The following USP12 variants were observed in gnomAD, a reference collection of about 807,000 sequenced individuals.
USP12 encodes the protein ubiquitin carboxyl-terminal hydrolase 12.
A neutral mutation model predicts 45.5 loss-of-function variants in USP12; 19 were observed. The observed-to-expected ratio is 0.42, with a 90% CI of 0.29 to 0.61. The LOEUF (loss-of-function observed/expected upper bound fraction) is 0.61, where lower values mean the gene tolerates loss of function less well. Ranked by LOEUF, USP12 falls within the 20% of genes least tolerant of loss-of-function variation. The probability of loss-of-function intolerance (pLI) is 0.22; values close to 1 mark genes in which losing one functional copy is unlikely to be tolerated. For missense variants in USP12, 242 were observed against 447.7 expected, an observed-to-expected ratio of 0.54 and a Z score of 4.15; for synonymous variants, 149 against 148.8, an observed-to-expected ratio of 1.00 and a Z score of -0.01.
intron 6 of USP12, chr13:27,089,476 T>A (rs73497361): frequency 6.3e-6 from 1 of 157,512 alleles, no homozygotes; most frequent in Non-Finnish European, 1.4e-5. Context: ...CAAACCAGTC[T>A]TACAATAACA....
At chr13:27,112,104 T>TCTA (rs766162162) in intron 2 of USP12, among the ~76,000 whole-genome samples, 22 of 152,154 alleles carry the variant, frequency 1.4e-4, no homozygotes, top group Non-Finnish European at 2.4e-4. Flanking sequence ...AACCAAACTG[T>TCTA]CTAGGTTCAA....
intron 4 of USP12, among the ~76,000 whole-genome samples, chr13:27,093,453 G>A (rs1444863484): frequency 6.6e-6 from 1 of 152,166 alleles, no homozygotes; most frequent in Non-Finnish European, 1.5e-5. Context: ...TATGTCATTA[G>A]GGCCTTGCAA....
intron 6 of USP12, among the ~76,000 whole-genome samples, chr13:27,076,029 C>CA (rs11458818): frequency 0.54 from 52,763 of 97,836 alleles, 13,493 homozygotes; most frequent in East Asian, 0.82. Flanking sequence ...GGCTCCGTCT[C>CA]AAAAAAAAAA....
intron 4 of USP12, among the ~76,000 whole-genome samples, chr13:27,094,601 C>T (rs553759307): frequency 2.1e-4 from 32 of 152,116 alleles, no homozygotes; most frequent in African/African-American, 7.2e-4. Context: ...TGCCTACAGA[C>T]GTGATGCCCC....
chr13:27,093,059 G>A (rs1874390257), intron 4 of USP12, among the ~76,000 whole-genome samples: 1 of 151,998 alleles, frequency 6.6e-6, no homozygotes, highest in Non-Finnish European at 1.5e-5. Flanking sequence ...AGCCGGGCGT[G>A]GTGGCGCGTG....
chr13:27,140,190 C>T (rs1158166463), intron 1 of USP12, among the ~76,000 whole-genome samples: 1 of 152,120 alleles, frequency 6.6e-6, no homozygotes, highest in African/African-American at 2.4e-5. Context: ...AGACATAAAA[C>T]TCATGCAATG....
chr13:27,079,229 TGG>T (rs1215824218), intron 6 of USP12, among the ~76,000 whole-genome samples: 1 of 46,070 alleles, frequency 2.2e-5, no homozygotes, highest in East Asian at 7.9e-4. Flanking sequence ...CGGGGGGGAG[TGG>T]GGGGAGAGGG....
chr13:27,164,680 T>G (rs1878273804), intron 1 of USP12, among the ~76,000 whole-genome samples: 1 of 152,242 alleles, frequency 6.6e-6, no homozygotes, highest in Non-Finnish European at 1.5e-5. Context: ...ATGTTATATG[T>G]AAGTTTTTCA....
intron 1 of USP12, among the ~76,000 whole-genome samples, chr13:27,134,725 G>A (rs866570616): frequency 3.8e-4 from 58 of 151,776 alleles, no homozygotes; most frequent in African/African-American, 1.3e-3. Flanking sequence ...CAAGATAGAC[G>A]TCATAATAGA....
chr13:27,110,642 AG>A (rs1482177590), intron 2 of USP12, among the ~76,000 whole-genome samples: 3 of 152,220 alleles, frequency 2.0e-5, no homozygotes, highest in Non-Finnish European at 4.4e-5. Flanking sequence ...ATGTGATTAA[AG>A]CGTACTGATA....
At chr13:27,123,060 C>T (rs947122226) in intron 1 of USP12, among the ~76,000 whole-genome samples, 5 of 150,564 alleles carry the variant, frequency 3.3e-5, no homozygotes, top group Admixed American at 3.3e-4. Context: ...CCACTGCACT[C>T]CAGCCTGGAT....
chr13:27,077,986 CA>C (rs1172397816), intron 6 of USP12: 3 of 151,870 alleles, frequency 2.0e-5, no homozygotes, highest in African/African-American at 7.2e-5. Context: ...GGACAGAGAA[CA>C]TTTTTTTCCT....
intron 1 of USP12, among the ~76,000 whole-genome samples, chr13:27,152,487 A>G (rs190983276): frequency 2.0e-4 from 30 of 152,300 alleles, no homozygotes; most frequent in Non-Finnish European, 3.8e-4. Flanking sequence ...GAAAGGAAAG[A>G]AGGAGGAGAA....
At chr13:27,148,829 A>G (rs993048452) in intron 1 of USP12, among the ~76,000 whole-genome samples, 17 of 38,606 alleles carry the variant, frequency 4.4e-4, no homozygotes, top group African/African-American at 1.7e-3. Flanking sequence ...TCAGGTGACA[A>G]AAATCCAACA....
rs1873102098 is a variant in USP12, at chr13:27,068,706, A to G, written c.*577T>C. 2 of 153,690 alleles carry G rather than the reference A, an allele frequency of 1.3e-5. No individual in the cohort carries two copies. Among genetic ancestry groups the G allele is most frequent in the Non-Finnish European group, 2.9e-5 (2 of 69,060 alleles). The allele number at this position is 153,690 out of a possible 1,614,324, so 9.5% of individuals were successfully genotyped here. On this transcript the variant is annotated 3_prime_UTR_variant, in exon 9 of 9. Coordinates refer to ENST00000282344, the MANE Select transcript of USP12 (RefSeq NM_182488.4). ...TGCTCCCTACATATACATATACTGT[A>G]TATTATTATAAGCTTCTTCAGAGAA...
intron 1 of USP12, among the ~76,000 whole-genome samples, chr13:27,120,154 T>C (rs1399389954): frequency 6.6e-6 from 1 of 152,234 alleles, no homozygotes; most frequent in East Asian, 1.9e-4. Context: ...CTGAAGGATT[T>C]TGTTGAAGGC....
At chr13:27,162,851 T>C (rs796511449) in intron 1 of USP12, 13 of 152,348 alleles carry the variant, frequency 8.5e-5, no homozygotes, top group African/African-American at 2.9e-4. Context: ...CCTATTTTCC[T>C]TCCCTCAGAG....
At chr13:27,148,752 A>G (rs543632993) in intron 1 of USP12, among the ~76,000 whole-genome samples, 28 of 148,038 alleles carry the variant, frequency 1.9e-4, no homozygotes, top group Admixed American at 1.4e-3. Flanking sequence ...ATAAAATAGC[A>G]TATCAATTGA....
At chr13:27,168,956 T>C (rs1339819920) in intron 1 of USP12, 5 of 152,336 alleles carry the variant, frequency 3.3e-5, no homozygotes, top group African/African-American at 1.2e-4. Flanking sequence ...CTGAGAAGTG[T>C]TCTGTTTAAG....
Sources: gnomAD v4.1 joint callset for allele counts (sites outside exome capture counted in the v4.1 genomes callset) on GRCh38, gnomAD v4.1.1 for gene constraint, MANE v1.5 for transcripts, NCBI Gene and HGNC (gene_info 2026-07-23, HGNC 2026-07-21) for gene names.